TRIO: variants seen among roughly 807,000 people sequenced by gnomAD.
TRIO encodes trio Rho guanine nucleotide exchange factor.
TRIO carries 58 observed loss-of-function variants against 351.9 expected under a neutral mutation model. That is an observed-to-expected ratio of 0.16 (90% CI 0.13 to 0.21). TRIO has a LOEUF of 0.21. TRIO is among the 10% of genes least tolerant of loss of function. The probability of loss-of-function intolerance (pLI) is 1.00; values close to 1 mark genes in which losing one functional copy is unlikely to be tolerated. For synonymous variants in TRIO, 1,758 were observed against 1,595.7 expected (o/e 1.10, Z -2.42); for missense variants, 3,201 against 4,027.8 (o/e 0.79, Z 5.56).
rs752042446 is a variant in TRIO at position 14,368,810 on chromosome 5, G to T, written c.2977G>T (p.Ala993Ser). Residue 993 changes from alanine (A) to serine (S), a missense_variant, in exon 17 of 57, where the codon GCG becomes TCG. Ala to Ser is a moderately conservative substitution (Grantham distance 99). This residue lies in a region of TRIO where 363 missense variants were observed against 553.5 expected (regional missense o/e 0.66). Coordinates refer to ENST00000344204, the MANE Select transcript of TRIO (RefSeq NM_007118.4). ...DMIRDCAEKV[A>S]SHWQQLMLKM... ...GATCCGGGACTGCGCCGAGAAGGTG[G>T]CGTCTCACTGGCAACAGCTCATGCT... is the stretch of plus-strand genomic sequence containing the variant. The T allele has an allele frequency of 1.2e-6, 2 of 1,614,144 alleles. No individual in the cohort carries two copies. The highest frequency in any genetic ancestry group is 1.1e-5 in the South Asian group (1 of 91,072).
intron 1 of TRIO, among the ~76,000 whole-genome samples, chr5:14,155,171 G>A (rs369650025): frequency 1.3e-5 from 2 of 152,190 alleles, no homozygotes; most frequent in African/African-American, 4.8e-5. Flanking sequence ...GCTCAAAGAA[G>A]CAAGAACAGC....
chr5:14,209,794 C>G (rs1791769294), intron 1 of TRIO, among the ~76,000 whole-genome samples: 1 of 152,170 alleles, frequency 6.6e-6, no homozygotes, highest in African/African-American at 2.4e-5. Flanking sequence ...CAGTATTGGC[C>G]CTCAAGGCAG....
intron 1 of TRIO, among the ~76,000 whole-genome samples, chr5:14,208,322 C>T (rs921475339): frequency 6.6e-6 from 1 of 152,208 alleles, no homozygotes; most frequent in Non-Finnish European, 1.5e-5. Context: ...TTAAATACTC[C>T]TCAGCAATAA....
At chr5:14,158,712 T>C (rs1167342275) in intron 1 of TRIO, among the ~76,000 whole-genome samples, 1 of 152,126 alleles carries the variant, frequency 6.6e-6, no homozygotes, top group Non-Finnish European at 1.5e-5. Context: ...GCACCTGTAG[T>C]CCCAGCTGTT....
chr5:14,406,465 G>T, intron 32 of TRIO, 108 bp from the exon 33 acceptor site: 1 of 1,009,538 alleles, frequency 9.9e-7, no homozygotes, highest in Non-Finnish European at 1.6e-6. Context: ...CCTGGCAGCA[G>T]CAGGCACTCA....
At chr5:14,343,089 C>CAAAAA (rs34378604) in intron 11 of TRIO, among the ~76,000 whole-genome samples, 1 of 135,556 alleles carries the variant, frequency 7.4e-6, no homozygotes, top group African/African-American at 2.8e-5. Flanking sequence ...CAGAAAGTTG[C>CAAAAA]AAAAAAAAAA....
intron 34 of TRIO, among the ~76,000 whole-genome samples, chr5:14,441,794 C>G (rs763723418): frequency 3.3e-5 from 5 of 152,162 alleles, no homozygotes; most frequent in Non-Finnish European, 7.4e-5. Context: ...TATTTAGACT[C>G]TGGCTCTCCA....
chr5:14,497,643 G>A lies in TRIO; in HGVS notation c.8020-204G>A, dbSNP rs1446438993. Among the ~76,000 whole-genome samples, 1 of 152,188 alleles carries A rather than the reference G, an allele frequency of 6.6e-6. No individual in the cohort carries two copies. Among genetic ancestry groups the A allele is most frequent in the Non-Finnish European group, 1.5e-5 (1 of 68,034 alleles). On this transcript the variant is annotated intron_variant, in intron 50 of 56. Coordinates refer to ENST00000344204, the MANE Select transcript of TRIO (RefSeq NM_007118.4). The surrounding 1 kb of genome is among the most constrained non-coding windows in gnomAD (Gnocchi z 4.4). ...ACACACATCTAAGCAGTGTTTTTGT[G>A]TTTGTGGGTAGGAAGAAAAAGACCC...
At chr5:14,386,248 G>T (rs1746529590) in intron 21 of TRIO, among the ~76,000 whole-genome samples, 1 of 152,160 alleles carries the variant, frequency 6.6e-6, no homozygotes, top group African/African-American at 2.4e-5. Context: ...AGGAGCACCA[G>T]TGCAGAGGCC....
chr5:14,323,005 A>T (rs1307374029), intron 9 of TRIO, among the ~76,000 whole-genome samples: 1 of 152,170 alleles, frequency 6.6e-6, no homozygotes, highest in East Asian at 1.9e-4. Context: ...ACTGGAATCC[A>T]GCCATCATAG....
At chr5:14,189,088 A>C (rs1220472778) in intron 1 of TRIO, among the ~76,000 whole-genome samples, 1 of 152,232 alleles carries the variant, frequency 6.6e-6, no homozygotes, top group Non-Finnish European at 1.5e-5. Flanking sequence ...AGTTTGGTAT[A>C]AGCGTTAAGG....
chr5:14,363,358 T>C (rs998535553), intron 13 of TRIO, among the ~76,000 whole-genome samples: 1 of 152,202 alleles, frequency 6.6e-6, no homozygotes, highest in African/African-American at 2.4e-5. Flanking sequence ...CTTTTTGACT[T>C]TTAGCTTCTC....
chr5:14,357,426 C>G (rs7705520), intron 11 of TRIO, among the ~76,000 whole-genome samples: 4,810 of 152,310 alleles, frequency 0.032, 302 homozygotes, highest in African/African-American at 0.11. Context: ...AGTTAATGGA[C>G]TTTCAGGAAG....
chr5:14,278,219 T>C (rs1224469779), intron 2 of TRIO, among the ~76,000 whole-genome samples: 1 of 152,200 alleles, frequency 6.6e-6, no homozygotes, highest in African/African-American at 2.4e-5. Flanking sequence ...TCAAAACTTC[T>C]GCACAGAGCT....
chr5:14,455,635 T>C (rs553148028), intron 34 of TRIO, among the ~76,000 whole-genome samples: 2 of 152,142 alleles, frequency 1.3e-5, no homozygotes, highest in African/African-American at 2.4e-5. Flanking sequence ...GAGTGCTGAT[T>C]GGTGTATTTA....
intron 34 of TRIO, among the ~76,000 whole-genome samples, chr5:14,438,003 T>A (rs1028896773): frequency 6.6e-6 from 1 of 152,238 alleles, no homozygotes; most frequent in Admixed American, 6.5e-5. Flanking sequence ...TCTTGATGGA[T>A]CTTCTGTTCT....
At chr5:14,371,442 A>G (rs1344631898) in intron 18 of TRIO, among the ~76,000 whole-genome samples, 1 of 152,222 alleles carries the variant, frequency 6.6e-6, no homozygotes, top group Admixed American at 6.5e-5. Context: ...TTTTCTGATT[A>G]TCAATGTATG....
intron 15 of TRIO, 58 bp from the exon 16 acceptor site, chr5:14,366,802 G>A (rs1470011861): frequency 1.2e-6 from 2 of 1,609,128 alleles, no homozygotes; most frequent in Non-Finnish European, 1.7e-6. Context: ...CACCCCTGGT[G>A]GTCCACAGGA....
At chr5:14,213,536 T>A (rs1343101347) in intron 1 of TRIO, among the ~76,000 whole-genome samples, 2 of 152,138 alleles carry the variant, frequency 1.3e-5, no homozygotes, top group African/African-American at 4.8e-5. Flanking sequence ...ACTATCAACA[T>A]GTAATTTAAT....
Sources: allele counts gnomAD v4.1 joint callset (sites outside exome capture counted in the v4.1 genomes callset), GRCh38; gene constraint gnomAD v4.1.1; regional missense constraint gnomAD v4.1.1; non-coding constraint Gnocchi (gnomAD v3.1); transcripts MANE v1.5; gene names NCBI Gene and HGNC (gene_info 2026-07-23, HGNC 2026-07-21).